Variants in SNTB2 observed in about 807,000 individuals in gnomAD.
The protein encoded by SNTB2 is beta-2-syntrophin.
In SNTB2, 34 loss-of-function variants were observed where a neutral mutation model predicts 46.2. That is an observed-to-expected ratio of 0.74 (90% CI 0.56 to 0.98). SNTB2 has a LOEUF of 0.98. Ranked by LOEUF, SNTB2 falls within the 50% of genes least tolerant of loss-of-function variation. The probability of loss-of-function intolerance (pLI) is 0.00; values close to 1 mark genes in which losing one functional copy is unlikely to be tolerated. For missense variants in SNTB2, 603 were observed against 731.4 expected (o/e 0.82, Z 2.02); for synonymous variants, 290 against 312.6 (o/e 0.93, Z 0.76).
chr16:69,257,388 C>G lies in SNTB2; in HGVS notation c.795-2662C>G, dbSNP rs181115162. On this transcript the variant is annotated intron_variant, in intron 2 of 6. Transcript: ENST00000336278. ...CATGAACTTTCAAATATGGACTTTT[C>G]TTAAGCCCTTTGGCTGTTCATGACT... Among the ~76,000 whole-genome samples the G allele has an allele frequency of 2.2e-3, 329 of 151,752 alleles. 1 individual carries two copies. The highest frequency in any genetic ancestry group is 7.5e-3 in the African/African-American group (312 of 41,444).
intron 1 of SNTB2, among the ~76,000 whole-genome samples, chr16:69,216,931 A>G (rs1217462781): frequency 2.0e-5 from 3 of 152,170 alleles, no homozygotes; most frequent in East Asian, 1.9e-4. Flanking sequence ...GAGTGTGGCT[A>G]TGACTGTCCA....
At chr16:69,212,627 G>A (rs868487339) in intron 1 of SNTB2, among the ~76,000 whole-genome samples, 45 of 114,088 alleles carry the variant, frequency 3.9e-4, no homozygotes, top group African/African-American at 1.4e-3. Context: ...GTGAGCCACC[G>A]CGCCCAGCCT....
intron 1 of SNTB2, among the ~76,000 whole-genome samples, chr16:69,217,852 T>C (rs749340008): frequency 4.6e-5 from 7 of 152,178 alleles, no homozygotes; most frequent in Non-Finnish European, 1.0e-4. Context: ...TCTCAACTTA[T>C]CCTGGTTGAG....
At chr16:69,202,894 A>G (rs991082859) in intron 1 of SNTB2, among the ~76,000 whole-genome samples, 4 of 151,406 alleles carry the variant, frequency 2.6e-5, no homozygotes, top group Admixed American at 2.6e-4. Flanking sequence ...TAAATTTTGT[A>G]TTTTTTGTAG....
At chr16:69,289,051 C>G (rs968150008) in intron 5 of SNTB2, among the ~76,000 whole-genome samples, 2 of 152,022 alleles carry the variant, frequency 1.3e-5, no homozygotes, top group African/African-American at 2.4e-5. Context: ...GCGCGGATCA[C>G]CTGAGGTCAG....
intron 1 of SNTB2, among the ~76,000 whole-genome samples, chr16:69,228,529 A>T (rs1964479220): frequency 6.7e-6 from 1 of 149,534 alleles, no homozygotes; most frequent in South Asian, 2.1e-4. Flanking sequence ...AAAAAAAAAG[A>T]ATTTCATAAA....
At chr16:69,238,677 C>G (rs577384306) in intron 1 of SNTB2, among the ~76,000 whole-genome samples, 1 of 152,222 alleles carries the variant, frequency 6.6e-6, no homozygotes, top group African/African-American at 2.4e-5. Context: ...GAACGCTATC[C>G]TTCTAGCCTT....
intron 1 of SNTB2, among the ~76,000 whole-genome samples, chr16:69,238,163 T>G (rs1023192776): frequency 6.6e-6 from 1 of 152,146 alleles, no homozygotes; most frequent in Non-Finnish European, 1.5e-5. Flanking sequence ...AGAGCCCCAA[T>G]AGGACATTGG....
At chr16:69,287,913 C>T (rs747868018) in intron 5 of SNTB2, among the ~76,000 whole-genome samples, 1 of 151,214 alleles carries the variant, frequency 6.6e-6, no homozygotes, top group Non-Finnish European at 1.5e-5. Context: ...CGGTAGTTCA[C>T]GCTTGTAATT....
chr16:69,251,962 T>C (rs1430601128), intron 2 of SNTB2, among the ~76,000 whole-genome samples: 2 of 152,210 alleles, frequency 1.3e-5, no homozygotes, highest in African/African-American at 4.8e-5. Flanking sequence ...TGCCAGACTT[T>C]CTTCCAAAGT....
rs1232452964 is a variant in SNTB2 at position 69,305,749 on chromosome 16, G to A, written c.*4825G>A. ...CATCACTTTCAGTTAAATTTCTGTT[G>A]TTATTGTGGCTTTTTTTTTTTTTTA... On this transcript the variant is annotated 3_prime_UTR_variant, in exon 7 of 7. Coordinates refer to ENST00000336278, the MANE Select transcript of SNTB2 (RefSeq NM_006750.4). 6.9e-6 allele frequency: 1 copy of A among 144,784 alleles called. No individual in the cohort carries two copies. The highest frequency in any genetic ancestry group is 1.5e-5 in the Non-Finnish European group (1 of 66,284). The allele number at this position is 144,784 out of a possible 1,614,324, so 9.0% of individuals were successfully genotyped here.
intron 3 of SNTB2, 97 bp downstream of exon 3, chr16:69,260,357 G>T (rs1345253294): frequency 1.8e-6 from 2 of 1,081,648 alleles, no homozygotes; most frequent in Non-Finnish European, 1.4e-6. Context: ...ATGCAGTTAG[G>T]ACCTGGATAT....
At chr16:69,190,819 A>C (rs1247306836) in intron 1 of SNTB2, among the ~76,000 whole-genome samples, 2 of 152,210 alleles carry the variant, frequency 1.3e-5, no homozygotes, top group Admixed American at 1.3e-4. Flanking sequence ...AATCTTGCTA[A>C]GTAAACCTTA....
intron 1 of SNTB2, among the ~76,000 whole-genome samples, chr16:69,226,786 C>G (rs1161846526): frequency 1.4e-4 from 22 of 152,184 alleles, no homozygotes; most frequent in Admixed American, 1.3e-3. Context: ...CTGCCTTGGC[C>G]TCACAAAATG....
At chr16:69,276,233 A>G (rs153047) in intron 4 of SNTB2, among the ~76,000 whole-genome samples, 14,036 of 151,964 alleles carry the variant, frequency 0.092, 887 homozygotes, top group Middle Eastern at 0.15. Flanking sequence ...TGACTTTAGA[A>G]TGTGGAATAT....
chr16:69,189,839 C>G (rs1964033868), intron 1 of SNTB2, among the ~76,000 whole-genome samples: 1 of 152,228 alleles, frequency 6.6e-6, no homozygotes, highest in South Asian at 2.1e-4. Flanking sequence ...GTAAATGCTT[C>G]CCAGTCTTTA....
chr16:69,265,002 CA>C (rs1964871003), intron 3 of SNTB2, among the ~76,000 whole-genome samples: 1 of 152,202 alleles, frequency 6.6e-6, no homozygotes, highest in African/African-American at 2.4e-5. Flanking sequence ...GTAATCCCAG[CA>C]CTTTGGGAGG....
In SNTB2 at chr16:69,281,809, CT is replaced by C. The variant is rs541092850; in HGVS notation, c.1149-2238del. ...AGTGAGCGGAAATCATGCCATTGTG[CT>C]CCAGCCTGGGCGAGAAGAGCAAGAC... On this transcript the variant is annotated intron_variant, in intron 4 of 6. Coordinates refer to ENST00000336278, the MANE Select transcript of SNTB2 (RefSeq NM_006750.4). 3.9e-3 allele frequency among the ~76,000 whole-genome samples: 581 copies of C among 149,578 alleles called. 2 individuals are homozygous for C. The highest frequency in any genetic ancestry group is 6.6e-3 in the Non-Finnish European group (448 of 67,562).
intron 1 of SNTB2, among the ~76,000 whole-genome samples, chr16:69,213,506 A>C (rs1048109731): frequency 1.3e-5 from 2 of 148,406 alleles, no homozygotes; most frequent in Admixed American, 6.8e-5. Context: ...TATTCTTCTT[A>C]TTTTTTTTTT....
Sources: gnomAD v4.1 joint callset for allele counts (sites outside exome capture counted in the v4.1 genomes callset) on GRCh38, gnomAD v4.1.1 for gene constraint, MANE v1.5 for transcripts, NCBI Gene and HGNC (gene_info 2026-07-23, HGNC 2026-07-21) for gene names.